Variants in VSNL1 observed in about 807,000 individuals in gnomAD.
The protein encoded by VSNL1 is visinin-like protein 1.
VSNL1 carries 6 observed loss-of-function variants against 20.4 expected under a neutral mutation model. The observed-to-expected ratio is 0.29, with a 90% CI of 0.16 to 0.58. The LOEUF is 0.58. Among genes scored for constraint, VSNL1 ranks in the 20% least tolerant of loss-of-function variants. The probability of loss-of-function intolerance (pLI) is 0.90; values close to 1 mark genes in which losing one functional copy is unlikely to be tolerated. For synonymous variants in VSNL1, 93 were observed against 86.4 expected (o/e 1.08, Z -0.42); for missense variants, 100 against 234.5 (o/e 0.43, Z 3.75).
At chr2:17,573,874 A>G (rs533101248) in intron 1 of VSNL1, among the ~76,000 whole-genome samples, 1 of 152,358 alleles carries the variant, frequency 6.6e-6, no homozygotes, top group South Asian at 2.1e-4. Context: ...CCTGTTTCTC[A>G]TCTGGAAAAG....
intron 2 of VSNL1, among the ~76,000 whole-genome samples, chr2:17,628,786 C>T (rs1325644367): frequency 6.6e-6 from 1 of 152,228 alleles, no homozygotes; most frequent in African/African-American, 2.4e-5. Context: ...AGCCACCTGC[C>T]TGTTCTGTAG....
chr2:17,548,904 G>A (rs533419034), intron 1 of VSNL1, among the ~76,000 whole-genome samples: 79 of 152,300 alleles, frequency 5.2e-4, no homozygotes, highest in South Asian at 4.1e-3. Context: ...TTTAAGACAT[G>A]TCTTCTGCTA....
intron 1 of VSNL1, among the ~76,000 whole-genome samples, chr2:17,558,421 A>T (rs1257723373): frequency 6.6e-6 from 1 of 152,224 alleles, no homozygotes; most frequent in African/African-American, 2.4e-5. Flanking sequence ...TTAAAGTAGT[A>T]GAAATCTGGT....
chr2:17,621,276 C>A (rs1665350069), intron 2 of VSNL1, among the ~76,000 whole-genome samples: 1 of 149,976 alleles, frequency 6.7e-6, no homozygotes. Flanking sequence ...CTTTCTTCCT[C>A]TTTCTTTTTT....
intron 1 of VSNL1, among the ~76,000 whole-genome samples, chr2:17,564,845 A>G (rs1459172920): frequency 6.6e-6 from 1 of 152,222 alleles, no homozygotes; most frequent in Non-Finnish European, 1.5e-5. Flanking sequence ...AGTATCGCAG[A>G]TGCAATTGTA....
chr2:17,557,601 T>C (rs1319748741), intron 1 of VSNL1, among the ~76,000 whole-genome samples: 1 of 152,194 alleles, frequency 6.6e-6, no homozygotes, highest in Non-Finnish European at 1.5e-5. Context: ...CAGTTTTGCC[T>C]CCTGAGATTG....
At chr2:17,653,659 G>T in intron 3 of VSNL1, among the ~76,000 whole-genome samples, 1 of 152,056 alleles carries the variant, frequency 6.6e-6, no homozygotes, top group East Asian at 1.9e-4. Context: ...TTATCTCAGT[G>T]GACATTTTAA....
intron 3 of VSNL1, among the ~76,000 whole-genome samples, chr2:17,651,492 C>T (rs1666121871): frequency 6.6e-6 from 1 of 152,232 alleles, no homozygotes; most frequent in Non-Finnish European, 1.5e-5. Flanking sequence ...CTCACCATAG[C>T]AGGAAGCAGG....
chr2:17,567,658 C>G (rs1338222756), intron 1 of VSNL1: 1 of 152,078 alleles, frequency 6.6e-6, no homozygotes, highest in Non-Finnish European at 1.5e-5. Flanking sequence ...CCATGACCGG[C>G]CCAAGTCTCA....
In VSNL1 at chr2:17,656,944, G is replaced by A. The variant is rs1558315029; in HGVS notation, c.*1550G>A. 1.3e-5 allele frequency: 2 copies of A among 152,054 alleles called. No homozygotes were observed. 9.4% of individuals were successfully genotyped at this position (152,054 alleles called of 1,614,324 possible). A position where few individuals can be genotyped will look rare whatever the true frequency, so the allele number is the denominator to read the frequency against. ...TATTCAAGTACTTTTTATCAAATTC[G>A]TTTTTTACCGAATTCGTTTTTTACC... On this transcript the variant is annotated 3_prime_UTR_variant, in exon 4 of 4. Coordinates refer to ENST00000295156, the MANE Select transcript of VSNL1 (RefSeq NM_003385.5).
At chr2:17,638,452 GC>G (rs2103419292) in intron 2 of VSNL1, among the ~76,000 whole-genome samples, 1 of 152,278 alleles carries the variant, frequency 6.6e-6, no homozygotes, top group South Asian at 2.1e-4. Context: ...CTCAGAGGGA[GC>G]CAACTCCCTC....
chr2:17,655,410 A>G lies in VSNL1; in HGVS notation c.*16A>G, dbSNP rs1322285040. ...CCAGAAATGAGCTGATGTCAATGCT[A>G]TGGACTGCACAAAAGTCTCAATGTT... On this transcript the variant is annotated 3_prime_UTR_variant, in exon 4 of 4. Transcript: ENST00000295156. This position sits in a 1 kb window ranked among gnomAD's most constrained non-coding sequence, Gnocchi z 5.2. 1.9e-6 allele frequency: 3 copies of G among 1,603,250 alleles called. No individual in the cohort carries two copies. Among genetic ancestry groups the G allele is most frequent in the Middle Eastern group, 1.7e-4 (1 of 6,046 alleles).
intron 1 of VSNL1, among the ~76,000 whole-genome samples, chr2:17,555,997 C>T (rs75178215): frequency 0.029 from 4,466 of 152,212 alleles, 64 homozygotes; most frequent in Middle Eastern, 0.054. Context: ...AGGTGTTACA[C>T]GAGTGTTAAA....
intron 2 of VSNL1, among the ~76,000 whole-genome samples, chr2:17,642,785 C>T (rs866652189): frequency 3.3e-5 from 5 of 152,300 alleles, no homozygotes; most frequent in African/African-American, 4.8e-5. Flanking sequence ...TATCTTGTCC[C>T]GGGAGGCGAA....
intron 2 of VSNL1, among the ~76,000 whole-genome samples, chr2:17,632,489 T>C (rs887958854): frequency 1.3e-5 from 2 of 151,864 alleles, no homozygotes; most frequent in Non-Finnish European, 2.9e-5. Flanking sequence ...TTAGTAGAGA[T>C]GGAGTTTCAC....
intron 1 of VSNL1, among the ~76,000 whole-genome samples, chr2:17,571,336 G>C (rs1350641399): frequency 1.3e-5 from 2 of 152,064 alleles, no homozygotes; most frequent in African/African-American, 4.8e-5. Context: ...ATTTAAGGTT[G>C]TTTTTTCAGT....
intron 1 of VSNL1, among the ~76,000 whole-genome samples, chr2:17,583,359 C>T (rs897065972): frequency 1.3e-5 from 2 of 152,250 alleles, no homozygotes; most frequent in Non-Finnish European, 2.9e-5. Flanking sequence ...TCCCTCCCCA[C>T]TGGGACTTGG....
chr2:17,593,829 C>G (rs1244839115), intron 2 of VSNL1, among the ~76,000 whole-genome samples: 1 of 152,178 alleles, frequency 6.6e-6, no homozygotes. Context: ...CCATACTACT[C>G]TCCCTAGTTT....
chr2:17,638,188 CTAAG>C (rs984965313), intron 2 of VSNL1, among the ~76,000 whole-genome samples: 9 of 152,152 alleles, frequency 5.9e-5, no homozygotes, highest in African/African-American at 1.9e-4. Flanking sequence ...CTGCCACTAA[CTAAG>C]TATGTGACCC....
Sources: gnomAD v4.1 joint callset for allele counts (sites outside exome capture counted in the v4.1 genomes callset) on GRCh38, gnomAD v4.1.1 for gene constraint, Gnocchi (gnomAD v3.1) non-coding constraint, MANE v1.5 for transcripts, NCBI Gene and HGNC (gene_info 2026-07-23, HGNC 2026-07-21) for gene names.